The following SLK variants were observed in gnomAD, a reference collection of about 807,000 sequenced individuals.
SLK encodes STE20 like kinase.
A neutral mutation model predicts 147.7 loss-of-function variants in SLK; 67 were observed. That is an observed-to-expected ratio of 0.45 (90% CI 0.37 to 0.56). The LOEUF (loss-of-function observed/expected upper bound fraction) is 0.56, where lower values mean the gene tolerates loss of function less well. Ranked by LOEUF, SLK falls within the 20% of genes least tolerant of loss-of-function variation. The pLI is 0.00. For missense variants in SLK, 1,136 were observed against 1,438.8 expected (o/e 0.79, Z 3.41); for synonymous variants, 441 against 475.0 (o/e 0.93, Z 0.93).
chr10:104,014,770 A>G (rs1844441609), intron 13 of SLK, among the ~76,000 whole-genome samples: 1 of 152,158 alleles, frequency 6.6e-6, no homozygotes, highest in Non-Finnish European at 1.5e-5. Context: ...GTTTATCCAC[A>G]TTTAAACTTG....
chr10:104,011,266 A>G (rs976362516), intron 13 of SLK, among the ~76,000 whole-genome samples: 10 of 152,242 alleles, frequency 6.6e-5, no homozygotes, highest in African/African-American at 1.9e-4. Context: ...AGAGGATGGT[A>G]TATAAGCTTT....
In SLK at chr10:104,025,161, C is replaced by T. The variant is rs79922761; in HGVS notation, c.3562-413C>T. On this transcript the variant is annotated intron_variant, in intron 18 of 18. Transcript: ENST00000369755. Reference sequence around the variant, plus strand: ...AGTGTGAAAGAAAATACAGGCGCATCGTAACTAAAATAACAAGTAGGCAGG... The same window carrying T: ...AGTGTGAAAGAAAATACAGGCGCATTGTAACTAAAATAACAAGTAGGCAGG... Among the ~76,000 whole-genome samples, 755 of 152,192 alleles carry T rather than the reference C, an allele frequency of 5.0e-3. 3 individuals are homozygous for T. The highest frequency in any genetic ancestry group is 0.017 in the African/African-American group (722 of 41,484).
intron 1 of SLK, among the ~76,000 whole-genome samples, chr10:103,982,092 G>A (rs1843953141): frequency 6.6e-6 from 1 of 152,050 alleles, no homozygotes; most frequent in South Asian, 2.1e-4. Flanking sequence ...TATCGTAAAT[G>A]GGATTGTTTT....
chr10:103,981,327 A>G (rs1843939616), intron 1 of SLK, among the ~76,000 whole-genome samples: 1 of 152,080 alleles, frequency 6.6e-6, no homozygotes, highest in Non-Finnish European at 1.5e-5. Flanking sequence ...GTCTTTTAAA[A>G]TGTATAACAT....
intron 11 of SLK, 78 bp downstream of exon 11, chr10:104,006,113 A>C (rs1844322326): frequency 2.1e-6 from 3 of 1,418,914 alleles, no homozygotes; most frequent in Admixed American, 2.4e-5. Flanking sequence ...CAGACAAACA[A>C]AAAAGGTTGT....
At chr10:103,976,444 G>GT (rs1843872099) in intron 1 of SLK, among the ~76,000 whole-genome samples, 2 of 152,104 alleles carry the variant, frequency 1.3e-5, no homozygotes, top group South Asian at 4.2e-4. Flanking sequence ...TATCTTTAAT[G>GT]TTTTTTGTTA....
chr10:104,027,199 T>G lies in SLK; in HGVS notation c.*1479T>G, dbSNP rs1236620906. On this transcript the variant is annotated 3_prime_UTR_variant, in exon 19 of 19. Transcript: ENST00000369755. ...AGAAAATGTAAATGTCTGTAGCACT[T>G]TCTTGCAGTTAATTTGAAAACTTTG... is the stretch of plus-strand genomic sequence containing the variant. The G allele has an allele frequency of 6.6e-6, 1 of 152,666 alleles. No individual in the cohort carries two copies. The highest frequency in any genetic ancestry group is 1.5e-5 in the Non-Finnish European group (1 of 68,048). The allele number at this position is 152,666 out of a possible 1,614,324, so 9.5% of individuals were successfully genotyped here. A position where few individuals can be genotyped will look rare whatever the true frequency, so the allele number is the denominator to read the frequency against.
At chr10:104,020,065 T>G (rs1844514956) in intron 16 of SLK, 143 bp downstream of exon 16, 5 of 674,832 alleles carry the variant, frequency 7.4e-6, no homozygotes, top group Middle Eastern at 3.8e-4. Context: ...GGGCTGGGAC[T>G]ATAGATACAT....
chr10:104,019,172 G>T, intron 15 of SLK: 1 of 287,384 alleles, frequency 3.5e-6, no homozygotes, highest in Non-Finnish European at 6.6e-6. Context: ...GGCTCTCAAA[G>T]GTAGCTATTT....
chr10:103,972,064 C>G (rs1395914045), intron 1 of SLK, among the ~76,000 whole-genome samples: 1 of 152,118 alleles, frequency 6.6e-6, no homozygotes, highest in Non-Finnish European at 1.5e-5. Context: ...TCTTTTGTGT[C>G]TTGCCTCTTT....
rs1843778565 is a variant in SLK, at chr10:103,970,490, G to A, written c.150+2595G>A. Among the ~76,000 whole-genome samples, 3 of 152,274 alleles carry A rather than the reference G, an allele frequency of 2.0e-5. No homozygotes were observed. In the South Asian group the frequency reaches 6.2e-4, roughly 32 times the overall value. On this transcript the variant is annotated intron_variant, in intron 1 of 18. Transcript: ENST00000369755. ...TTTTAGTATGATATTTGAAGAGCAC[G>A]GGCTGGCACTATTTTTTCTTTTTTC...
intron 18 of SLK, among the ~76,000 whole-genome samples, chr10:104,023,842 T>C (rs1460250514): frequency 6.6e-6 from 1 of 152,248 alleles, no homozygotes; most frequent in Admixed American, 6.5e-5. Context: ...TATTGATATG[T>C]ACCCAGTTTC....
intron 1 of SLK, among the ~76,000 whole-genome samples, chr10:103,989,826 G>C (rs1233928782): frequency 6.6e-6 from 1 of 152,046 alleles, no homozygotes; most frequent in African/African-American, 2.4e-5. Context: ...TCCAGCAGTT[G>C]TACTCCTTGT....
In SLK at chr10:103,967,896, G is replaced by T. The variant is rs1391911476; in HGVS notation, c.150+1G>T. 1 of 1,573,056 alleles carries T rather than the reference G, an allele frequency of 6.4e-7. No individual in the cohort carries two copies. The highest frequency in any genetic ancestry group is 8.6e-7 in the Non-Finnish European group (1 of 1,157,682). On this transcript the variant is annotated splice_donor_variant, in intron 1 of 18. Transcript: ENST00000369755. LOFTEE classifies it high-confidence loss of function. ...CGGAGCCTTTGGGAAAGTGTACAAG[G>T]TAAGAGGGGGAAAACGGGAAGTTGT... is the stretch of plus-strand genomic sequence containing the variant.
chr10:104,004,026 G>A (rs192006181), intron 9 of SLK, among the ~76,000 whole-genome samples: 2 of 152,242 alleles, frequency 1.3e-5, no homozygotes, highest in Admixed American at 1.3e-4. Flanking sequence ...AAATTTTAGT[G>A]TGCTTAGGAG....
At chr10:103,974,047 C>G (rs891221728) in intron 1 of SLK, among the ~76,000 whole-genome samples, 1 of 152,154 alleles carries the variant, frequency 6.6e-6, no homozygotes, top group Non-Finnish European at 1.5e-5. Context: ...CTTTTATCCT[C>G]TGTTCGTGGT....
At chr10:103,999,981 T>G in intron 7 of SLK, 33 bp downstream of exon 7, 1 of 932,722 alleles carries the variant, frequency 1.1e-6, no homozygotes, top group South Asian at 1.7e-5. Flanking sequence ...AATAATATAA[T>G]TATTTTAACA....
intron 4 of SLK, among the ~76,000 whole-genome samples, chr10:103,993,639 T>C (rs1844128950): frequency 6.6e-6 from 1 of 152,168 alleles, no homozygotes. Context: ...GACTAGAATT[T>C]TTAATTTTAC....
chr10:104,001,843 G>A (rs1438041443), intron 8 of SLK, among the ~76,000 whole-genome samples: 2 of 152,100 alleles, frequency 1.3e-5, no homozygotes, highest in Non-Finnish European at 2.9e-5. Context: ...AGCCTCCCGA[G>A]TAGCTGGGAC....
Sources: gnomAD v4.1 joint callset for allele counts (sites outside exome capture counted in the v4.1 genomes callset) on GRCh38, gnomAD v4.1.1 for gene constraint, MANE v1.5 for transcripts, NCBI Gene and HGNC (gene_info 2026-07-23, HGNC 2026-07-21) for gene names.